The following LY86 variants were observed in gnomAD, a reference collection of about 807,000 sequenced individuals.
The protein encoded by LY86 is MD-1, RP105-associated.
A neutral mutation model predicts 17.3 loss-of-function variants in LY86; 20 were observed. That is an observed-to-expected ratio of 1.15 (90% CI 0.81 to 1.68). The LOEUF is 1.68. Ranked by LOEUF, LY86 falls within the 40% of genes most tolerant of loss-of-function variation. LY86 has a pLI of 0.00. For synonymous variants in LY86, 74 were observed against 70.6 expected (o/e 1.05, Z -0.24); for missense variants, 200 against 191.9 (o/e 1.04, Z -0.25).
At chr6:6,593,228 C>A (rs949110673) in intron 1 of LY86, among the ~76,000 whole-genome samples, 1 of 152,234 alleles carries the variant, frequency 6.6e-6, no homozygotes, top group Non-Finnish European at 1.5e-5. Context: ...TAGGTGCATT[C>A]CTTGGCCTGA....
At chr6:6,598,624 T>C (rs2113083722) in intron 1 of LY86, among the ~76,000 whole-genome samples, 1 of 152,356 alleles carries the variant, frequency 6.6e-6, no homozygotes, top group South Asian at 2.1e-4. Flanking sequence ...AAGTTCCCTC[T>C]ACCCTGCTGC....
At chr6:6,593,558 C>T (rs1340708341) in intron 1 of LY86, among the ~76,000 whole-genome samples, 1 of 152,230 alleles carries the variant, frequency 6.6e-6, no homozygotes, top group Non-Finnish European at 1.5e-5. Flanking sequence ...ATGAAAGGTG[C>T]TTAGCACATA....
chr6:6,649,343 G>A (rs1762152860), intron 3 of LY86, among the ~76,000 whole-genome samples: 1 of 152,224 alleles, frequency 6.6e-6, no homozygotes, highest in African/African-American at 2.4e-5. Context: ...GACATAGCCA[G>A]ACCTTAACAG....
At chr6:6,611,777 T>C (rs1321510690) in intron 1 of LY86, among the ~76,000 whole-genome samples, 1 of 148,744 alleles carries the variant, frequency 6.7e-6, no homozygotes, top group Non-Finnish European at 1.5e-5. Flanking sequence ...ACAGTGCCTA[T>C]CAAACAGTAC....
rs545844681 is a variant in LY86, at chr6:6,613,152, C to A, written c.137-11774C>A. 2.8e-4 allele frequency among the ~76,000 whole-genome samples: 43 copies of A among 152,388 alleles called. No homozygotes were observed. The East Asian group carries it at 7.5e-3, about 27-fold the overall frequency. ...GGGGGCTGATTGGTGTGTTTACAAT[C>A]CCTTAGCTAGACATAAAGATTCTCC... On this transcript the variant is annotated intron_variant, in intron 1 of 4. Coordinates refer to ENST00000230568, the MANE Select transcript of LY86 (RefSeq NM_004271.4).
chr6:6,589,115 T>C (rs3765286), intron 1 of LY86, among the ~76,000 whole-genome samples: 48,031 of 151,954 alleles, frequency 0.32, 8,082 homozygotes, highest in Non-Finnish European at 0.38. Flanking sequence ...AAATTGAATC[T>C]AAATATAGCC....
chr6:6,652,055 CAAAAAAAA>C (rs61606490), intron 4 of LY86, among the ~76,000 whole-genome samples: 27 of 59,282 alleles, frequency 4.6e-4, no homozygotes, highest in Middle Eastern at 0.012. Flanking sequence ...GACTCCATCT[CAAAAAAAA>C]AAAAAAAAAA....
chr6:6,612,696 T>C (rs1179285047), intron 1 of LY86, among the ~76,000 whole-genome samples: 1 of 152,246 alleles, frequency 6.6e-6, no homozygotes, highest in Non-Finnish European at 1.5e-5. Context: ...AGGGTGCTGA[T>C]TGGTCGCGTT....
chr6:6,628,554 CTCTCTCTCTG>C (rs1761843379), intron 3 of LY86, among the ~76,000 whole-genome samples: 1 of 151,894 alleles, frequency 6.6e-6, no homozygotes, highest in South Asian at 2.1e-4. Context: ...CTCTGTCTGT[CTCTCTCTCTG>C]TCTCTCTCTG....
chr6:6,652,795 T>C (rs977153594), intron 4 of LY86, among the ~76,000 whole-genome samples: 7 of 152,212 alleles, frequency 4.6e-5, no homozygotes, highest in African/African-American at 1.7e-4. Flanking sequence ...TTCTTATCTC[T>C]TATACCAGAG....
At chr6:6,614,098 A>T (rs1183745781) in intron 1 of LY86, among the ~76,000 whole-genome samples, 1 of 152,200 alleles carries the variant, frequency 6.6e-6, no homozygotes, top group Non-Finnish European at 1.5e-5. Context: ...TCCAGAAGAA[A>T]ATCAGTGTTT....
At chr6:6,606,039 T>C (rs952857696) in intron 1 of LY86, among the ~76,000 whole-genome samples, 2 of 152,218 alleles carry the variant, frequency 1.3e-5, no homozygotes, top group African/African-American at 4.8e-5. Context: ...GTAATACTAC[T>C]CAAGCAGGTT....
chr6:6,611,392 G>A (rs1415061253), intron 1 of LY86, among the ~76,000 whole-genome samples: 3 of 152,164 alleles, frequency 2.0e-5, no homozygotes, highest in Non-Finnish European at 2.9e-5. Flanking sequence ...TCTAAAACAC[G>A]GATGATAGCA....
intron 1 of LY86, among the ~76,000 whole-genome samples, chr6:6,611,798 A>G (rs1468773557): frequency 7.3e-6 from 1 of 136,858 alleles, no homozygotes; most frequent in East Asian, 2.2e-4. Context: ...GGGCTCAAAA[A>G]GCTTTAACAA....
In LY86 at chr6:6,606,638, G is replaced by A. The variant is rs368592442; in HGVS notation, c.136+17768G>A. Reference sequence around the variant, plus strand: ...CCACGCGGGGAGGAAGCTAAGGCCCGGCGAGAAATTGAGCACAGCAGCTAC... The same window carrying A: ...CCACGCGGGGAGGAAGCTAAGGCCCAGCGAGAAATTGAGCACAGCAGCTAC... On this transcript the variant is annotated intron_variant, in intron 1 of 4. Coordinates refer to ENST00000230568, the MANE Select transcript of LY86 (RefSeq NM_004271.4). 4.5e-4 allele frequency among the ~76,000 whole-genome samples: 68 copies of A among 152,340 alleles called. No homozygotes were observed. The East Asian group carries it at 0.011, about 24-fold the overall frequency.
At chr6:6,636,523 G>T (rs1761961325) in intron 3 of LY86, among the ~76,000 whole-genome samples, 1 of 152,184 alleles carries the variant, frequency 6.6e-6, no homozygotes, top group African/African-American at 2.4e-5. Flanking sequence ...TTTTAACAAG[G>T]CCCATGAAGA....
intron 1 of LY86, among the ~76,000 whole-genome samples, chr6:6,610,141 G>A (rs148158909): frequency 1.3e-5 from 2 of 152,290 alleles, no homozygotes; most frequent in East Asian, 3.9e-4. Flanking sequence ...CTACAAGAGC[G>A]AACACGTGCG....
intron 4 of LY86, among the ~76,000 whole-genome samples, chr6:6,653,974 A>G (rs989869201): frequency 6.6e-6 from 1 of 152,292 alleles, no homozygotes; most frequent in South Asian, 2.1e-4. Context: ...CACAGGCGCC[A>G]GGGCAGGCCA....
intron 1 of LY86, among the ~76,000 whole-genome samples, chr6:6,590,449 A>G (rs1032810095): frequency 4.6e-5 from 7 of 152,140 alleles, no homozygotes; most frequent in African/African-American, 1.7e-4. Context: ...TTTTCTATTT[A>G]ATATTTTTGG....
Sources: allele counts gnomAD v4.1 joint callset (sites outside exome capture counted in the v4.1 genomes callset), GRCh38; gene constraint gnomAD v4.1.1; transcripts MANE v1.5; gene names NCBI Gene and HGNC (gene_info 2026-07-23, HGNC 2026-07-21).